CANT1: variants seen among roughly 807,000 people sequenced by gnomAD.
CANT1 encodes calcium activated nucleotidase 1.
Under a neutral mutation model 30.0 loss-of-function variants are expected in CANT1, and 26 were observed. The ratio of observed to expected loss-of-function variants is 0.87; its 90% CI spans 0.64 to 1.20. The LOEUF (loss-of-function observed/expected upper bound fraction) is 1.20. CANT1 is among the 50% of genes most tolerant of loss of function. CANT1 has a pLI of 0.00. For synonymous variants in CANT1, 246 were observed against 251.8 expected (o/e 0.98, Z 0.22); for missense variants, 518 against 563.0 (o/e 0.92, Z 0.81).
Position 78,997,623 on chromosome 17 carries a change from C to T in CANT1, c.-1G>A, listed in dbSNP as rs1005286177. On this transcript the variant is annotated 5_prime_UTR_variant, in exon 3 of 5. Coordinates refer to ENST00000392446, the MANE Select transcript of CANT1 (RefSeq NM_001159773.2). The surrounding 1 kb of genome is among the most constrained non-coding windows in gnomAD (Gnocchi z 7.5). ...GGTGCTCAGACAGCTGCACGGGCAT[C>T]AGCGTGACAGACAGGCGGGACCTGC... 6 of 1,567,810 alleles carry T rather than the reference C, an allele frequency of 3.8e-6. No individual in the cohort carries two copies. In the South Asian group the frequency reaches 4.8e-5, roughly 12 times the overall value.
intron 1 of CANT1, among the ~76,000 whole-genome samples, chr17:79,005,154 GGGAGAGGAGTTAA>G (rs1228626135): frequency 2.7e-5 from 3 of 112,290 alleles, no homozygotes; most frequent in African/African-American, 4.2e-5. Flanking sequence ...GGGGGAGTTA[GGGAGAGGAGTTAA>G]GGAGAGGGGA....
Position 78,992,745 on chromosome 17 carries a change from T to C in CANT1, c.*805A>G, listed in dbSNP as rs370978997. ...GCTTCACCAGCCGCCACCGCTTCCT[T>C]ACAATCTCCCGCACTGCTGGAGCGG... is the stretch of plus-strand genomic sequence containing the variant. On this transcript the variant is annotated 3_prime_UTR_variant, in exon 5 of 5. Coordinates refer to ENST00000392446, the MANE Select transcript of CANT1 (RefSeq NM_001159773.2). 4.7e-5 allele frequency: 28 copies of C among 595,608 alleles called. 1 individual carries two copies. Among genetic ancestry groups the C allele is most frequent in the African/African-American group, 4.7e-4 (26 of 55,810 alleles). The allele number at this position is 595,608 out of a possible 1,614,324, so 36.9% of individuals were successfully genotyped here. A position where few individuals can be genotyped will look rare whatever the true frequency, so the allele number is the denominator to read the frequency against.
chr17:78,991,982 C>T lies in CANT1; in HGVS notation c.*1568G>A. 1 of 231,638 alleles carries T rather than the reference C, an allele frequency of 4.3e-6. No homozygotes were observed. The allele number at this position is 231,638 out of a possible 1,614,324, so 14.3% of individuals were successfully genotyped here. A position where few individuals can be genotyped will look rare whatever the true frequency, so the allele number is the denominator to read the frequency against. On this transcript the variant is annotated 3_prime_UTR_variant, in exon 5 of 5. Coordinates refer to ENST00000392446, the MANE Select transcript of CANT1 (RefSeq NM_001159773.2). Reference sequence around the variant, plus strand: ...TGATTGCATCTCTATTTTAAATGACCCAGCCTGGACATCAAGGACAATGAT... The same window carrying T: ...TGATTGCATCTCTATTTTAAATGACTCAGCCTGGACATCAAGGACAATGAT...
chr17:78,993,647 A>T lies in CANT1; in HGVS notation c.1109T>A (p.Val370Asp), dbSNP rs769816960. The T allele has an allele frequency of 1.9e-6, 3 of 1,614,080 alleles. No individual in the cohort carries two copies. The highest frequency in any genetic ancestry group is 2.5e-6 in the Non-Finnish European group (3 of 1,180,014). Residue 370 changes from valine to aspartate, a missense_variant, in exon 5 of 5, where the codon GTC becomes GAC. Physicochemically the swap from Val to Asp is radical, Grantham distance 152 (BLOSUM62 -3). This residue lies in a region of CANT1 where 221 missense variants were observed against 211.8 expected (regional missense o/e 1.04). Transcript: ENST00000392446. The surrounding 1 kb of genome is among the most constrained non-coding windows in gnomAD (Gnocchi z 4.5). ...CGTGAAGGCCATGATGTAGGAGGCG[A>T]CTCTGCCGCTGTCCTCCTCGGATTT... ...ALKSEEDSGR[V>D]ASYIMAFTLD...
chr17:78,993,417 C>G lies in CANT1; in HGVS notation c.*133G>C, dbSNP rs926950807. On this transcript the variant is annotated 3_prime_UTR_variant, in exon 5 of 5. Transcript: ENST00000392446. This position sits in a 1 kb window ranked among gnomAD's most constrained non-coding sequence, Gnocchi z 4.5. ...CCAGTGCCCGCACCACTATGGGGCCCGGGACTGGGCTCCCTGTCCAGACCT... is the reference window on the plus strand; with the variant it reads ...CCAGTGCCCGCACCACTATGGGGCCGGGGACTGGGCTCCCTGTCCAGACCT... 4 of 1,379,428 alleles carry G rather than the reference C, an allele frequency of 2.9e-6. No individual in the cohort carries two copies. Among genetic ancestry groups the G allele is most frequent in the Non-Finnish European group, 4.0e-6 (4 of 997,300 alleles). The allele number at this position is 1,379,428 out of a possible 1,614,324, so 85.4% of individuals were successfully genotyped here.
chr17:78,992,530 A>C lies in CANT1; in HGVS notation c.*1020T>G. The stretch of plus-strand genomic sequence containing the variant: ...TGCAAAACTCCCACTGGAAGAGGAG[A>C]AATAAAGGCCATGGAAAGAAACCCC... On this transcript the variant is annotated 3_prime_UTR_variant, in exon 5 of 5. Transcript: ENST00000392446. 1 of 376,536 alleles carries C rather than the reference A, an allele frequency of 2.7e-6. No individual in the cohort carries two copies. The allele number at this position is 376,536 out of a possible 1,614,324, so 23.3% of individuals were successfully genotyped here. A position where few individuals can be genotyped will look rare whatever the true frequency, so the allele number is the denominator to read the frequency against.
chr17:79,002,555 C>T lies in CANT1; in HGVS notation c.-146-4592G>A, dbSNP rs142005272. ...GTAGACGCGGCCTGCTGTGTAGTCA[C>T]GTCCTGGTGTGTAGATGTGGCTGAT... On this transcript the variant is annotated intron_variant, in intron 1 of 4. Coordinates refer to ENST00000392446, the MANE Select transcript of CANT1 (RefSeq NM_001159773.2). The surrounding 1 kb of genome is among the most constrained non-coding windows in gnomAD (Gnocchi z 4.0). Among the ~76,000 whole-genome samples the T allele has an allele frequency of 0.016, 2,363 of 152,266 alleles. 50 individuals carry two copies. Among genetic ancestry groups the T allele is most frequent in the African/African-American group, 0.054 (2,226 of 41,558 alleles).
At chr17:79,007,208 T>C (rs1041131519) in intron 1 of CANT1, among the ~76,000 whole-genome samples, 92 of 152,228 alleles carry the variant, frequency 6.0e-4, no homozygotes, top group African/African-American at 2.2e-3. Context: ...TTTTTCCTAA[T>C]TAACCATCTT....
Position 78,999,485 on chromosome 17 carries a change from A to G in CANT1, c.-146-1522T>C, listed in dbSNP as rs558780055. Reference sequence around the variant, plus strand: ...TACCTGCTATGCCAATCCCGCCTACATTTCTTTTTTTGTTTTTCTGAGATA... The same window carrying G: ...TACCTGCTATGCCAATCCCGCCTACGTTTCTTTTTTTGTTTTTCTGAGATA... On this transcript the variant is annotated intron_variant, in intron 1 of 4. Coordinates refer to ENST00000392446, the MANE Select transcript of CANT1 (RefSeq NM_001159773.2). Among the ~76,000 whole-genome samples the G allele has an allele frequency of 2.6e-5, 4 of 151,850 alleles. No homozygotes were observed. The South Asian group carries it at 8.3e-4, about 32-fold the overall frequency.
At chr17:78,994,328 TCA>T (rs1491207809) in intron 4 of CANT1, among the ~76,000 whole-genome samples, 1 of 152,150 alleles carries the variant, frequency 6.6e-6, no homozygotes, top group Non-Finnish European at 1.5e-5. Flanking sequence ...AGGCACAGAC[TCA>T]GTCACTTCCT....
In CANT1 at chr17:78,997,870, CA is replaced by C. The variant is rs1195268298; in HGVS notation, c.-54del. ...TTCGGCAAGACGTGAAGTCTTTCCA[CA>C]GCAAAATTACTCCATCTCCCCTGTC... On this transcript the variant is annotated 5_prime_UTR_variant, in exon 2 of 5. Coordinates refer to ENST00000392446, the MANE Select transcript of CANT1 (RefSeq NM_001159773.2). The surrounding 1 kb of genome is among the most constrained non-coding windows in gnomAD (Gnocchi z 7.5). The C allele has an allele frequency of 2.1e-5, 9 of 436,624 alleles. No homozygotes were observed. Among genetic ancestry groups the C allele is most frequent in the Non-Finnish European group, 4.0e-6 (1 of 247,998 alleles). The allele number at this position is 436,624 out of a possible 1,614,324, so 27.0% of individuals were successfully genotyped here.
chr17:79,000,233 G>C (rs1374423745), intron 1 of CANT1: 1 of 152,154 alleles, frequency 6.6e-6, no homozygotes, highest in Non-Finnish European at 1.5e-5. Context: ...ACAGTGGTCT[G>C]GTTCAAGCTC....
intron 1 of CANT1, chr17:79,006,101 C>T (rs1298915655): frequency 6.6e-6 from 1 of 152,416 alleles, no homozygotes; most frequent in African/African-American, 2.4e-5. Context: ...TGACTGACTT[C>T]TGCACCTGTC....
chr17:79,000,570 C>G (rs2071220543), intron 1 of CANT1, among the ~76,000 whole-genome samples: 3 of 152,110 alleles, frequency 2.0e-5, no homozygotes, highest in African/African-American at 7.2e-5. Context: ...ACACTCCCAG[C>G]TTCAGCGGCT....
intron 1 of CANT1, among the ~76,000 whole-genome samples, chr17:79,007,544 C>T (rs2071594853): frequency 6.6e-6 from 1 of 152,170 alleles, no homozygotes; most frequent in Admixed American, 6.5e-5. Flanking sequence ...CAGAAAGTAC[C>T]GAGACTCCGA....
intron 1 of CANT1, chr17:79,007,942 T>C (rs1379483303): frequency 2.0e-5 from 3 of 152,198 alleles, no homozygotes; most frequent in African/African-American, 7.2e-5. Context: ...TCTACCACCT[T>C]GTGACATGTC....
chr17:79,002,475 G>A lies in CANT1; in HGVS notation c.-146-4512C>T, dbSNP rs546463818. Among the ~76,000 whole-genome samples, 1 of 151,466 alleles carries A rather than the reference G, an allele frequency of 6.6e-6. No homozygotes were observed. Among genetic ancestry groups the A allele is most frequent in the Non-Finnish European group, 1.5e-5 (1 of 67,776 alleles). On this transcript the variant is annotated intron_variant, in intron 1 of 4. Transcript: ENST00000392446. This position sits in a 1 kb window ranked among gnomAD's most constrained non-coding sequence, Gnocchi z 4.0. ...GTGTAGATGCGGCCTGTGTGGCCTG[G>A]TATGTGGTTGCAGCTTGGTGTGTAG...
intron 1 of CANT1, among the ~76,000 whole-genome samples, chr17:79,007,060 C>T (rs2071578703): frequency 6.6e-6 from 1 of 152,204 alleles, no homozygotes; most frequent in African/African-American, 2.4e-5. Context: ...AAAACCATCC[C>T]AGAGGAACGC....
intron 1 of CANT1, among the ~76,000 whole-genome samples, chr17:79,006,814 C>T (rs778997094): frequency 5.3e-5 from 8 of 152,326 alleles, no homozygotes; most frequent in Admixed American, 2.0e-4. Context: ...CCTTCCACAC[C>T]GCGGTGGCAC....
Sources: allele counts gnomAD v4.1 joint callset (sites outside exome capture counted in the v4.1 genomes callset), GRCh38; gene constraint gnomAD v4.1.1; regional missense constraint gnomAD v4.1.1; non-coding constraint Gnocchi (gnomAD v3.1); transcripts MANE v1.5; gene names NCBI Gene and HGNC (gene_info 2026-07-23, HGNC 2026-07-21).